PDZD2: variants seen among roughly 807,000 people sequenced by gnomAD.
The protein encoded by PDZD2 is PDZ domain-containing protein 2.
PDZD2 carries 90 observed loss-of-function variants against 220.7 expected under a neutral mutation model. The ratio of observed to expected loss-of-function variants is 0.41; its 90% CI spans 0.34 to 0.49. The LOEUF is 0.49. Ranked by LOEUF, PDZD2 falls within the 20% of genes least tolerant of loss-of-function variation. The probability of loss-of-function intolerance (pLI) is 0.28; values close to 1 mark genes in which losing one functional copy is unlikely to be tolerated. For missense variants in PDZD2, 3,174 were observed against 3,608.5 expected (o/e 0.88, Z 3.08); for synonymous variants, 1,375 against 1,450.5 (o/e 0.95, Z 1.18).
intron 2 of PDZD2, chr5:31,822,754 A>C: frequency 8.8e-7 from 1 of 1,134,328 alleles, no homozygotes; most frequent in Non-Finnish European, 1.3e-6. Context: ...ACCTGGCCTC[A>C]TCCAAATCCT....
At chr5:31,782,801 CCTCCCAGGTTCAAGCAACT>C (rs1753133850) in intron 1 of PDZD2, among the ~76,000 whole-genome samples, 1 of 148,710 alleles carries the variant, frequency 6.7e-6, no homozygotes, top group Non-Finnish European at 1.5e-5. Context: ...ACAATCTCTG[CCTCCCAGGTTCAAGCAACT>C]CTCCTGCCTC....
chr5:31,739,617 A>G (rs56280983), intron 1 of PDZD2, among the ~76,000 whole-genome samples: 37,363 of 152,164 alleles, frequency 0.25, 4,752 homozygotes, highest in Non-Finnish European at 0.25. Flanking sequence ...ACTCCATCAA[A>G]TTCAAGACAC....
chr5:31,989,599 T>C (rs1395727691), intron 3 of PDZD2, among the ~76,000 whole-genome samples: 2 of 151,938 alleles, frequency 1.3e-5, no homozygotes, highest in Admixed American at 6.6e-5. Context: ...ATTTTTTGTA[T>C]TTTTAGTAGA....
At chr5:31,773,716 C>T (rs10054583) in intron 1 of PDZD2, among the ~76,000 whole-genome samples, 8,198 of 152,102 alleles carry the variant, frequency 0.054, 700 homozygotes, top group African/African-American at 0.18. Flanking sequence ...GAGAGGGAGA[C>T]AGTCTAGTGG....
rs1292683683 is a variant in PDZD2, at chr5:32,089,091, T to G, written c.5643T>G (p.Cys1881Trp). 6.2e-7 allele frequency: 1 copy of G among 1,613,868 alleles called. No individual in the cohort carries two copies. The highest frequency in any genetic ancestry group is 1.3e-5 in the African/African-American group (1 of 74,990). Residue 1881 changes from cysteine (C) to tryptophan (W), a missense_variant, in exon 20 of 25, where the codon TGT becomes TGG. Around this residue, in one of 4 missense-constraint regions of PDZD2, gnomAD observed 1,861 missense variants for 2,001.0 expected, o/e 0.93. Coordinates refer to ENST00000438447, the MANE Select transcript of PDZD2 (RefSeq NM_178140.4). Reference protein sequence around the residue: ...MLLTNGQKAKCGPKLKRLSLK... With the variant: ...MLLTNGQKAKWGPKLKRLSLK... The stretch of plus-strand genomic sequence containing the variant: ...TGACTAATGGTCAGAAGGCAAAGTG[T>G]GGTCCGAAGCTGAAGAGGCTCAGCC...
chr5:31,985,197 A>G (rs1027030266), intron 3 of PDZD2, among the ~76,000 whole-genome samples: 1 of 152,168 alleles, frequency 6.6e-6, no homozygotes, highest in African/African-American at 2.4e-5. Context: ...TTATCAGTGC[A>G]TACCCTATCT....
At chr5:31,724,048 G>T (rs1261185339) in intron 1 of PDZD2, among the ~76,000 whole-genome samples, 1 of 151,818 alleles carries the variant, frequency 6.6e-6, no homozygotes, top group Non-Finnish European at 1.5e-5. Flanking sequence ...TTTACACAGT[G>T]CACACACACA....
At position 31,703,617 on chromosome 5, in the gene PDZD2, G is replaced by A. The variant is rs1056282290; in HGVS notation, c.-361+64180G>A. Among the ~76,000 whole-genome samples the A allele has an allele frequency of 5.9e-5, 9 of 152,240 alleles. No homozygotes were observed. The East Asian group carries it at 7.7e-4, about 13-fold the overall frequency. On this transcript the variant is annotated intron_variant, in intron 1 of 24. Coordinates refer to ENST00000438447, the MANE Select transcript of PDZD2 (RefSeq NM_178140.4). ...TAATAAACCTGCACGTTCTGCACAT[G>A]TATCCCAGAACTTTAATTAAAAAAA...
At chr5:31,887,979 A>G (rs1740672063) in intron 2 of PDZD2, among the ~76,000 whole-genome samples, 1 of 151,954 alleles carries the variant, frequency 6.6e-6, no homozygotes, top group Non-Finnish European at 1.5e-5. Flanking sequence ...CCAACATACG[A>G]TGGGCATTTG....
chr5:31,844,168 T>C (rs1006639207), intron 2 of PDZD2, among the ~76,000 whole-genome samples: 3 of 152,132 alleles, frequency 2.0e-5, no homozygotes, highest in South Asian at 2.1e-4. Flanking sequence ...TGATATATCA[T>C]TGTAAGAGAG....
rs541359909 is a variant in PDZD2 at position 32,083,463 on chromosome 5, C to G, written c.3683-3668C>G. 6.6e-6 allele frequency: 1 copy of G among 152,166 alleles called. No individual in the cohort carries two copies. The highest frequency in any genetic ancestry group is 6.5e-5 in the Admixed American group (1 of 15,282). The allele number at this position is 152,166 out of a possible 1,614,324, so 9.4% of individuals were successfully genotyped here. On this transcript the variant is annotated intron_variant, in intron 19 of 24. Coordinates refer to ENST00000438447, the MANE Select transcript of PDZD2 (RefSeq NM_178140.4). The surrounding 1 kb of genome is among the most constrained non-coding windows in gnomAD (Gnocchi z 4.1). ...GGAGAGGCTGCTGGGCCTTCCACCC[C>G]ACGGATGTGCTGTAACGAGTCAACC...
In PDZD2 at chr5:31,658,394, T is replaced by G. The variant is rs186978895; in HGVS notation, c.-361+18957T>G. On this transcript the variant is annotated intron_variant, in intron 1 of 24. Coordinates refer to ENST00000438447, the MANE Select transcript of PDZD2 (RefSeq NM_178140.4). ...CTTTCCTTCCTGCTTCTGAGAAAAT[T>G]TCCCTCCTTTTATCAAAGATTTCCC... is the stretch of plus-strand genomic sequence containing the variant. 1.3e-3 allele frequency among the ~76,000 whole-genome samples: 192 copies of G among 152,312 alleles called. 2 individuals carry two copies. Among genetic ancestry groups the G allele is most frequent in the Middle Eastern group, 6.8e-3 (2 of 294 alleles).
chr5:31,970,905 G>A (rs1268204670), intron 2 of PDZD2, among the ~76,000 whole-genome samples: 1 of 152,170 alleles, frequency 6.6e-6, no homozygotes, highest in African/African-American at 2.4e-5. Flanking sequence ...CTTCGGACCA[G>A]TCTGCTGCTC....
At chr5:32,022,824 A>G (rs1754329743) in intron 6 of PDZD2, among the ~76,000 whole-genome samples, 1 of 152,176 alleles carries the variant, frequency 6.6e-6, no homozygotes, top group South Asian at 2.1e-4. Flanking sequence ...CTTCTTTTGC[A>G]AGGAAAGTGA....
chr5:32,099,322 G>T (rs1744038416), intron 23 of PDZD2: 1 of 152,308 alleles, frequency 6.6e-6, no homozygotes, highest in Non-Finnish European at 1.5e-5. Context: ...AAAGCAGAGG[G>T]TATGGGTTAG....
At chr5:31,804,794 A>T (rs188712228) in intron 2 of PDZD2, among the ~76,000 whole-genome samples, 21 of 152,390 alleles carry the variant, frequency 1.4e-4, no homozygotes, top group Non-Finnish European at 3.1e-4. Context: ...TCCTCAGTAT[A>T]ATCACAGACA....
At chr5:31,744,391 G>C (rs1750456882) in intron 1 of PDZD2, 1 of 151,882 alleles carries the variant, frequency 6.6e-6, no homozygotes, top group Non-Finnish European at 1.5e-5. Context: ...ATCCTTACTA[G>C]GTAAAAAAAG....
Position 32,074,304 on chromosome 5 carries a change from C to T in PDZD2, c.3198C>T (p.Pro1066=). ...AANLTDSAEA[P]KGSPGSWWKK... is the part of the protein sequence containing the mutation. ...ACCTCACGGACTCTGCAGAGGCCCC[C>T]AAGGGGAGCCCTGGAAGCTGGTGGA... The change falls in exon 18 of 25, where the codon CCC becomes CCT. Residue 1066 remains proline, a synonymous_variant. Transcript: ENST00000438447. 1.2e-6 allele frequency: 2 copies of T among 1,614,184 alleles called. No homozygotes were observed. Among genetic ancestry groups the T allele is most frequent in the Non-Finnish European group, 1.7e-6 (2 of 1,180,022 alleles).
chr5:31,804,056 A>C (rs886820825), intron 2 of PDZD2, among the ~76,000 whole-genome samples: 2 of 151,940 alleles, frequency 1.3e-5, no homozygotes, highest in Admixed American at 1.3e-4. Flanking sequence ...AAAAAAAAAA[A>C]AGATACAGAA....
Sources: allele counts gnomAD v4.1 joint callset (sites outside exome capture counted in the v4.1 genomes callset), GRCh38; gene constraint gnomAD v4.1.1; regional missense constraint gnomAD v4.1.1; non-coding constraint Gnocchi (gnomAD v3.1); transcripts MANE v1.5; gene names NCBI Gene and HGNC (gene_info 2026-07-23, HGNC 2026-07-21).